Variants in SORCS3 observed in about 807,000 individuals in gnomAD.
SORCS3 encodes VPS10 domain-containing receptor SorCS3.
Under a neutral mutation model 146.3 loss-of-function variants are expected in SORCS3, and 57 were observed. The observed-to-expected ratio is 0.39, with a 90% CI of 0.31 to 0.49. The LOEUF (loss-of-function observed/expected upper bound fraction) is 0.49. Among genes scored for constraint, SORCS3 ranks in the 20% least tolerant of loss-of-function variants. SORCS3 has a pLI of 0.92. For synonymous variants in SORCS3, 653 were observed against 618.5 expected, an observed-to-expected ratio of 1.06 and a Z score of -0.83; for missense variants, 1,341 against 1,575.5, an observed-to-expected ratio of 0.85 and a Z score of 2.52.
At chr10:105,053,237 AT>A (rs539611916) in intron 5 of SORCS3, among the ~76,000 whole-genome samples, 2 of 149,598 alleles carry the variant, frequency 1.3e-5, no homozygotes, top group African/African-American at 2.4e-5. Flanking sequence ...GCTTCAACAT[AT>A]TTTTTTTTTG....
intron 2 of SORCS3, among the ~76,000 whole-genome samples, chr10:104,856,983 A>T (rs545452833): frequency 4.0e-5 from 6 of 148,340 alleles, no homozygotes; most frequent in African/African-American, 1.2e-4. Context: ...AAGGCGTGTG[A>T]GAGAGAGAGA....
At chr10:105,064,136 T>C (rs1378413123) in intron 5 of SORCS3, among the ~76,000 whole-genome samples, 2 of 152,364 alleles carry the variant, frequency 1.3e-5, no homozygotes, top group South Asian at 4.1e-4. Flanking sequence ...ACACCGTCTC[T>C]GCCCTCTTAG....
intron 1 of SORCS3, among the ~76,000 whole-genome samples, chr10:104,776,374 C>G (rs1350309453): frequency 6.6e-6 from 1 of 152,110 alleles, no homozygotes; most frequent in Non-Finnish European, 1.5e-5. Context: ...TAGGCCAGCT[C>G]AAATGTTGCC....
In SORCS3 at chr10:104,939,536, A is replaced by G. The variant is rs547323890; in HGVS notation, c.795+23604A>G. Among the ~76,000 whole-genome samples the G allele has an allele frequency of 2.8e-4, 42 of 150,094 alleles. 2 individuals carry two copies. The East Asian group carries it at 8.0e-3, about 28-fold the overall frequency. On this transcript the variant is annotated intron_variant, in intron 3 of 26. Coordinates refer to ENST00000369701, the MANE Select transcript of SORCS3 (RefSeq NM_014978.3). ...ACAGTCCTTTTAAGAGAACGTCCAA[A>G]TGGGTCTGAAACTCCTGAACACTGG...
chr10:105,165,167 A>G (rs2056301523), intron 12 of SORCS3, among the ~76,000 whole-genome samples: 1 of 152,162 alleles, frequency 6.6e-6, no homozygotes, highest in South Asian at 2.1e-4. Flanking sequence ...GTAATTGAAT[A>G]CTTTGGAGTC....
intron 4 of SORCS3, among the ~76,000 whole-genome samples, chr10:105,011,274 C>A (rs929332109): frequency 3.9e-5 from 6 of 152,090 alleles, no homozygotes; most frequent in African/African-American, 1.4e-4. Flanking sequence ...ATTAGTGAAA[C>A]CACCATCATG....
Position 104,893,820 on chromosome 10 carries a change from C to T in SORCS3, c.696-22013C>T, listed in dbSNP as rs547311320. Among the ~76,000 whole-genome samples, 4 of 152,310 alleles carry T rather than the reference C, an allele frequency of 2.6e-5. No individual in the cohort carries two copies. In the East Asian group the frequency reaches 7.7e-4, roughly 29 times the overall value. ...GCACTGCCATGCTTAGTAGTCTGGT[C>T]AGCTTTCTGCTCTTCCGAGACTCTC... On this transcript the variant is annotated intron_variant, in intron 2 of 26. Coordinates refer to ENST00000369701, the MANE Select transcript of SORCS3 (RefSeq NM_014978.3).
intron 4 of SORCS3, among the ~76,000 whole-genome samples, chr10:105,020,796 C>T (rs1205961172): frequency 6.6e-6 from 1 of 152,144 alleles, no homozygotes; most frequent in African/African-American, 2.4e-5. Context: ...GTTACTGTGC[C>T]ATTGTTTATG....
intron 2 of SORCS3, among the ~76,000 whole-genome samples, chr10:104,874,982 C>T (rs958104959): frequency 6.6e-6 from 1 of 152,170 alleles, no homozygotes; most frequent in Non-Finnish European, 1.5e-5. Flanking sequence ...ATCACAGTCT[C>T]CTATTTATCC....
At chr10:105,244,336 C>T (rs1044924783) in intron 20 of SORCS3, among the ~76,000 whole-genome samples, 2 of 151,766 alleles carry the variant, frequency 1.3e-5, no homozygotes, top group Non-Finnish European at 2.9e-5. Flanking sequence ...ATGTACAGGT[C>T]CACTTATATG....
intron 16 of SORCS3, among the ~76,000 whole-genome samples, chr10:105,205,495 G>A (rs1053931818): frequency 1.3e-5 from 2 of 152,102 alleles, no homozygotes; most frequent in Non-Finnish European, 2.9e-5. Context: ...CCATCATGGC[G>A]CTGGAGAAGG....
At chr10:104,768,879 A>G (rs1356825105) in intron 1 of SORCS3, among the ~76,000 whole-genome samples, 1 of 152,228 alleles carries the variant, frequency 6.6e-6, no homozygotes, top group Non-Finnish European at 1.5e-5. Flanking sequence ...AAGTATGTAA[A>G]GACCTGGGCC....
intron 4 of SORCS3, among the ~76,000 whole-genome samples, chr10:104,988,171 C>A (rs533297248): frequency 2.6e-4 from 39 of 152,300 alleles, no homozygotes; most frequent in Non-Finnish European, 5.4e-4. Flanking sequence ...GGACTGCCTG[C>A]TCTCTATCCT....
chr10:104,918,726 A>T (rs2019057377), intron 3 of SORCS3, among the ~76,000 whole-genome samples: 1 of 152,188 alleles, frequency 6.6e-6, no homozygotes, highest in South Asian at 2.1e-4. Context: ...CTCAGTGGGC[A>T]TATGCACTTT....
chr10:104,973,560 A>G (rs1156443015), intron 3 of SORCS3, among the ~76,000 whole-genome samples: 1 of 149,074 alleles, frequency 6.7e-6, no homozygotes, highest in Non-Finnish European at 1.5e-5. Context: ...ATCATTTTTT[A>G]TTGCGTCTAT....
At chr10:105,214,123 T>A (rs2056650818) in intron 17 of SORCS3, among the ~76,000 whole-genome samples, 1 of 152,164 alleles carries the variant, frequency 6.6e-6, no homozygotes, top group Admixed American at 6.5e-5. Flanking sequence ...TGAGTCTGCC[T>A]CCTCTTTTGT....
intron 1 of SORCS3, among the ~76,000 whole-genome samples, chr10:104,695,501 A>T (rs951873885): frequency 2.0e-5 from 3 of 152,030 alleles, no homozygotes; most frequent in Non-Finnish European, 4.4e-5. Context: ...TGCACATATT[A>T]CTGAAATGGA....
At chr10:104,775,729 C>A (rs763278828) in intron 1 of SORCS3, among the ~76,000 whole-genome samples, 35 of 152,180 alleles carry the variant, frequency 2.3e-4, no homozygotes, top group Non-Finnish European at 4.3e-4. Flanking sequence ...GACAGAACAT[C>A]ATTGGCATTT....
intron 7 of SORCS3, among the ~76,000 whole-genome samples, chr10:105,134,237 A>T (rs924151464): frequency 2.6e-5 from 4 of 152,180 alleles, no homozygotes; most frequent in Non-Finnish European, 1.5e-5. Flanking sequence ...ACCTCTGTAG[A>T]GTTGTTATGA....
Sources: gnomAD v4.1 joint callset for allele counts (sites outside exome capture counted in the v4.1 genomes callset) on GRCh38, gnomAD v4.1.1 for gene constraint, MANE v1.5 for transcripts, NCBI Gene and HGNC (gene_info 2026-07-23, HGNC 2026-07-21) for gene names.